AGO2: variants seen among roughly 807,000 people sequenced by gnomAD.
The protein encoded by AGO2 is protein argonaute-2.
AGO2 carries 5 observed loss-of-function variants against 102.3 expected under a neutral mutation model. The observed-to-expected ratio is 0.05, with a 90% confidence interval of 0.03 to 0.10. The LOEUF is 0.10. Among genes scored for constraint, AGO2 ranks in the 10% least tolerant of loss-of-function variants. AGO2 has a pLI of 1.00. For synonymous variants in AGO2, 449 were observed against 473.1 expected, an observed-to-expected ratio of 0.95 and a Z score of 0.66; for missense variants, 541 against 1,183.7, an observed-to-expected ratio of 0.46 and a Z score of 7.97.
chr8:140,541,555 G>A (rs2072798859), intron 14 of AGO2, 197 bp from the exon 15 acceptor site: 5 of 521,942 alleles, frequency 9.6e-6, no homozygotes, highest in South Asian at 5.8e-5. Flanking sequence ...TCGTAAATAC[G>A]TACTGAAGTA....
chr8:140,562,332 C>T (rs558880126), intron 4 of AGO2, 121 bp downstream of exon 4: 38 of 1,225,546 alleles, frequency 3.1e-5, no homozygotes, highest in South Asian at 2.6e-4. Context: ...AGAAAACCCA[C>T]GTGACCACTC....
intron 1 of AGO2, chr8:140,591,552 C>G (rs191881008): frequency 5.9e-5 from 9 of 152,344 alleles, no homozygotes; most frequent in Non-Finnish European, 4.4e-5. Flanking sequence ...ATGACACACC[C>G]GTACAGTCTA....
At position 140,558,376 on chromosome 8, in the gene AGO2, G is replaced by A. The variant is rs963517503; in HGVS notation, c.878+109C>T. On this transcript the variant is annotated intron_variant, in intron 7 of 18. Coordinates refer to ENST00000220592, the MANE Select transcript of AGO2 (RefSeq NM_012154.5). Reference sequence around the variant, plus strand: ...CAATTTTGGGATTGAAAAACAGCATGAAATGGTCCTTTCTGGAGAATGGGC... The same window carrying A: ...CAATTTTGGGATTGAAAAACAGCATAAAATGGTCCTTTCTGGAGAATGGGC... The A allele has an allele frequency of 1.1e-5, 13 of 1,215,840 alleles. No homozygotes were observed. The African/African-American group carries it at 1.8e-4, about 17-fold the overall frequency. The allele number at this position is 1,215,840 out of a possible 1,614,324, so 75.3% of individuals were successfully genotyped here.
intron 10 of AGO2, among the ~76,000 whole-genome samples, chr8:140,555,045 C>T (rs79506954): frequency 0.042 from 6,407 of 152,194 alleles, 181 homozygotes; most frequent in African/African-American, 0.081. Context: ...ACCAAAACCT[C>T]GCTACAGGTC....
intron 2 of AGO2, among the ~76,000 whole-genome samples, chr8:140,578,445 A>G (rs2073500576): frequency 1.3e-5 from 2 of 152,144 alleles, no homozygotes; most frequent in Non-Finnish European, 2.9e-5. Context: ...TGAGGCACTA[A>G]CTTCCCAGCC....
At chr8:140,620,925 T>TA (rs924713890) in intron 1 of AGO2, among the ~76,000 whole-genome samples, 2 of 152,134 alleles carry the variant, frequency 1.3e-5, no homozygotes, top group Non-Finnish European at 2.9e-5. Context: ...CTTTTCTTTT[T>TA]AAAAAAGAGA....
At chr8:140,537,072 A>C (rs892452854) in intron 16 of AGO2, among the ~76,000 whole-genome samples, 2 of 152,324 alleles carry the variant, frequency 1.3e-5, no homozygotes, top group East Asian at 3.9e-4. Flanking sequence ...TGCATGAGCT[A>C]CTCAGCAGTG....
intron 1 of AGO2, among the ~76,000 whole-genome samples, chr8:140,603,418 C>T (rs1340962036): frequency 1.3e-5 from 2 of 152,248 alleles, no homozygotes; most frequent in African/African-American, 4.8e-5. Flanking sequence ...CCAGTGCACA[C>T]TGAGGTGGCC....
chr8:140,619,941 C>T (rs544844363), intron 1 of AGO2, among the ~76,000 whole-genome samples: 2 of 152,180 alleles, frequency 1.3e-5, no homozygotes, highest in South Asian at 2.1e-4. Flanking sequence ...CTAGTGTGGA[C>T]GCGTGTGTCT....
At chr8:140,554,455 G>A (rs2073060048) in intron 10 of AGO2, among the ~76,000 whole-genome samples, 3 of 152,174 alleles carry the variant, frequency 2.0e-5, no homozygotes, top group South Asian at 2.1e-4. Context: ...ACGGCCAGCA[G>A]CCTCTCAGTG....
chr8:140,637,552 CTGCTGGCGGAGGGG>C (rs1054126731), upstream of AGO2: 4 of 152,304 alleles, frequency 2.6e-5, no homozygotes, highest in African/African-American at 9.7e-5. Flanking sequence ...CCGTGGCCCT[CTGCTGGCGGAGGGG>C]TGCCATTGCT....
the AGO2 span, among the ~76,000 whole-genome samples, chr8:140,641,337 A>C: frequency 6.7e-6 from 1 of 148,758 alleles, no homozygotes; most frequent in Non-Finnish European, 1.5e-5. Context: ...CACACACACA[A>C]AACAGCAACC....
Position 140,560,507 on chromosome 8 carries a change from G to A in AGO2, c.522C>T (p.Tyr174=), listed in dbSNP as rs1163354972. The A allele has an allele frequency of 1.1e-5, 18 of 1,612,660 alleles. No homozygotes were observed. Among genetic ancestry groups the A allele is most frequent in the Non-Finnish European group, 1.4e-5 (17 of 1,179,060 alleles). The change falls in exon 5 of 19, where the codon TAC becomes TAT. Residue 174 remains tyrosine (Y), a synonymous_variant. Transcript: ENST00000220592. Reference sequence around the variant, plus strand: ...TGAAGAAGGAGCGGCCCACGGGGGTGTACCTGGAACCAAGAGACCCCACCC... The same window carrying A: ...TGAAGAAGGAGCGGCCCACGGGGGTATACCTGGAACCAAGAGACCCCACCC... ...VVMRHLPSMR[Y]TPVGRSFFTA...
At chr8:140,616,323 C>T (rs543820581) in intron 1 of AGO2, among the ~76,000 whole-genome samples, 68 of 152,320 alleles carry the variant, frequency 4.5e-4, no homozygotes, top group African/African-American at 1.6e-3. Flanking sequence ...ATCGCAACAG[C>T]GAGCCGCAGG....
At chr8:140,586,852 C>A (rs2073667287) in intron 1 of AGO2, among the ~76,000 whole-genome samples, 1 of 152,158 alleles carries the variant, frequency 6.6e-6, no homozygotes, top group Non-Finnish European at 1.5e-5. Flanking sequence ...GGCCCTGTGG[C>A]CAATCTCGAT....
At chr8:140,560,807 G>C (rs1403068019) in intron 4 of AGO2, among the ~76,000 whole-genome samples, 1 of 152,232 alleles carries the variant, frequency 6.6e-6, no homozygotes, top group Non-Finnish European at 1.5e-5. Flanking sequence ...TTCTGGTCCA[G>C]ACTCCCTGTC....
Position 140,611,267 on chromosome 8 carries a change from TAAAACTCCTGCAG to T in AGO2, c.22+24205_22+24217del, listed in dbSNP as rs1227401726. On this transcript the variant is annotated intron_variant, in intron 1 of 18. Transcript: ENST00000220592. ...GCACGGGGACGAAGCCAGCCTACCT[TAAAACTCCTGCAG>T]AAAGCAGCAAAAAGCATCAAGTTTA... Among the ~76,000 whole-genome samples the T allele has an allele frequency of 6.6e-5, 10 of 151,886 alleles. No individual in the cohort carries two copies. In the East Asian group the frequency reaches 1.9e-3, roughly 29 times the overall value.
intron 1 of AGO2, among the ~76,000 whole-genome samples, chr8:140,587,461 A>C (rs2073676558): frequency 6.6e-6 from 1 of 152,246 alleles, no homozygotes; most frequent in African/African-American, 2.4e-5. Flanking sequence ...ACGCCTCTGC[A>C]GGCCTTAGAC....
At position 140,572,913 on chromosome 8, in the gene AGO2, C is replaced by T; in HGVS notation, c.235G>A (p.Val79Ile). 1 of 1,610,164 alleles carries T rather than the reference C, an allele frequency of 6.2e-7. No homozygotes were observed. The highest frequency in any genetic ancestry group is 1.1e-5 in the South Asian group (1 of 89,678). ...AAGATCTGTGTTTTAAAGTGCTGGA[C>T]CATGTGTTCCACGATTTCCCTGAAA... ...RVNREIVEHMVQHFKTQIFGD... is the reference protein window; with the variant it reads ...RVNREIVEHMIQHFKTQIFGD... Residue 79 changes from valine to isoleucine, a missense_variant, in exon 3 of 19, where the codon GTC (valine) becomes ATC (isoleucine). By Grantham distance (29) the Val-to-Ile change is conservative. This residue lies in a region of AGO2 where 147 missense variants were observed against 204.1 expected (regional missense o/e 0.72). Coordinates refer to ENST00000220592, the MANE Select transcript of AGO2 (RefSeq NM_012154.5).
Sources: gnomAD v4.1 joint callset for allele counts (sites outside exome capture counted in the v4.1 genomes callset) on GRCh38, gnomAD v4.1.1 for gene constraint, gnomAD v4.1.1 regional missense constraint, MANE v1.5 for transcripts, NCBI Gene and HGNC (gene_info 2026-07-23, HGNC 2026-07-21) for gene names.